Variants in CHN1 observed in about 807,000 individuals in gnomAD.
The protein encoded by CHN1 is chimerin 1.
Under a neutral mutation model 59.5 loss-of-function variants are expected in CHN1, and 37 were observed. The observed-to-expected ratio is 0.62, with a 90% CI of 0.48 to 0.82. CHN1 has a LOEUF of 0.82. CHN1 is among the 40% of genes least tolerant of loss of function. The pLI is 0.00. For missense variants in CHN1, 469 were observed against 571.0 expected, an observed-to-expected ratio of 0.82 and a Z score of 1.82; for synonymous variants, 206 against 200.4, an observed-to-expected ratio of 1.03 and a Z score of -0.24.
intron 1 of CHN1, among the ~76,000 whole-genome samples, chr2:174,989,144 G>A (rs1691455556): frequency 1.3e-5 from 2 of 151,412 alleles, no homozygotes; most frequent in Admixed American, 6.6e-5. Context: ...TAGGGAGGCT[G>A]AGGTGGGCAG....
intron 5 of CHN1, among the ~76,000 whole-genome samples, chr2:174,897,690 T>G (rs559835454): frequency 6.6e-6 from 1 of 152,162 alleles, no homozygotes; most frequent in African/African-American, 2.4e-5. Flanking sequence ...AACTCATAAC[T>G]TGATAGAAAA....
At chr2:174,976,305 T>C (rs1690936710) in intron 1 of CHN1, among the ~76,000 whole-genome samples, 1 of 151,774 alleles carries the variant, frequency 6.6e-6, no homozygotes, top group South Asian at 2.1e-4. Flanking sequence ...TGGCACGATC[T>C]CGGCTCACTG....
chr2:174,841,419 TAGGC>T (rs1185077619), intron 7 of CHN1, among the ~76,000 whole-genome samples: 4 of 152,220 alleles, frequency 2.6e-5, no homozygotes, highest in Admixed American at 6.5e-5. Flanking sequence ...TGTACTATAA[TAGGC>T]AGCAACAGAA....
intron 7 of CHN1, among the ~76,000 whole-genome samples, chr2:174,833,233 A>G (rs1275692593): frequency 1.3e-5 from 2 of 152,090 alleles, no homozygotes; most frequent in African/African-American, 4.8e-5. Context: ...TTGCTGCTTT[A>G]TGTATTTTGC....
chr2:174,937,958 T>C lies in CHN1; in HGVS notation c.114+6930A>G, dbSNP rs184244602. On this transcript the variant is annotated intron_variant, in intron 3 of 12. Coordinates refer to ENST00000409900, the MANE Select transcript of CHN1 (RefSeq NM_001822.7). ...AAAATAAACCTCTTTTTAAAATACA[T>C]TGCCCAGCCTCAGGTATTCCTTTAT... 3.0e-3 allele frequency among the ~76,000 whole-genome samples: 455 copies of C among 152,244 alleles called. 2 individuals are homozygous for C. Among genetic ancestry groups the C allele is most frequent in the African/African-American group, 0.01 (436 of 41,532 alleles).
chr2:174,861,832 C>T (rs1250768336), intron 6 of CHN1, among the ~76,000 whole-genome samples: 2 of 152,136 alleles, frequency 1.3e-5, no homozygotes, highest in Non-Finnish European at 2.9e-5. Flanking sequence ...GTTTTCTATT[C>T]CACAGGTTGT....
intron 1 of CHN1, among the ~76,000 whole-genome samples, chr2:175,001,830 C>T (rs989414994): frequency 6.6e-6 from 1 of 152,334 alleles, no homozygotes; most frequent in Non-Finnish European, 1.5e-5. Flanking sequence ...AACTAAGGCT[C>T]TATTGGTGTG....
chr2:174,950,440 G>A (rs949828422), intron 2 of CHN1, among the ~76,000 whole-genome samples: 3 of 151,338 alleles, frequency 2.0e-5, no homozygotes, highest in Admixed American at 1.3e-4. Flanking sequence ...CTAATTTTTT[G>A]GTATTTAGTA....
At chr2:174,937,338 ATAC>A (rs1689527310) in intron 3 of CHN1, among the ~76,000 whole-genome samples, 1 of 152,204 alleles carries the variant, frequency 6.6e-6, no homozygotes, top group South Asian at 2.1e-4. Context: ...CTGTGATACA[ATAC>A]TATCATTAGA....
At chr2:174,818,543 A>C (rs1038875464) in intron 8 of CHN1, among the ~76,000 whole-genome samples, 1 of 152,022 alleles carries the variant, frequency 6.6e-6, no homozygotes, top group Non-Finnish European at 1.5e-5. Context: ...TATACTACAA[A>C]TAATAATAAT....
chr2:174,852,339 A>T (rs542961659), intron 6 of CHN1, among the ~76,000 whole-genome samples: 3 of 152,288 alleles, frequency 2.0e-5, no homozygotes, highest in Admixed American at 1.3e-4. Flanking sequence ...AGTAGCCACA[A>T]AGAAAATAAA....
chr2:174,875,276 A>G (rs1687532427), intron 6 of CHN1, among the ~76,000 whole-genome samples: 1 of 152,242 alleles, frequency 6.6e-6, no homozygotes, highest in South Asian at 2.1e-4. Flanking sequence ...ATTGTTTTGT[A>G]GAAAATGCCT....
intron 7 of CHN1, among the ~76,000 whole-genome samples, chr2:174,840,611 C>T (rs1265366797): frequency 6.6e-6 from 1 of 152,130 alleles, no homozygotes; most frequent in East Asian, 1.9e-4. Context: ...GGTCTGCACA[C>T]AACAGCTGCT....
Position 174,866,355 on chromosome 2 carries a change from A to G in CHN1, c.549+11485T>C, listed in dbSNP as rs115697818. ...TCTAAAGAAAAATAAATGAGCTTAA[A>G]AGTTTAAAATATTTTTGTATAAAAT... On this transcript the variant is annotated intron_variant, in intron 6 of 12. Transcript: ENST00000409900. Among the ~76,000 whole-genome samples the G allele has an allele frequency of 6.3e-3, 963 of 152,340 alleles. 4 individuals carry two copies. The highest frequency in any genetic ancestry group is 9.4e-3 in the Non-Finnish European group (639 of 68,024).
intron 6 of CHN1, among the ~76,000 whole-genome samples, chr2:174,853,065 A>C (rs925379460): frequency 6.6e-6 from 1 of 152,194 alleles, no homozygotes; most frequent in African/African-American, 2.4e-5. Context: ...CCCTAAAAGC[A>C]ACTGCAACAA....
At chr2:174,895,043 ACG>A (rs35751679) in intron 5 of CHN1, among the ~76,000 whole-genome samples, 13,749 of 147,980 alleles carry the variant, frequency 0.093, 1,311 homozygotes, top group African/African-American at 0.25. Flanking sequence ...ACACACACAC[ACG>A]CGCGCACACA....
intron 5 of CHN1, among the ~76,000 whole-genome samples, chr2:174,900,041 A>C (rs1284841538): frequency 4.6e-5 from 7 of 152,228 alleles, no homozygotes; most frequent in Non-Finnish European, 1.0e-4. Flanking sequence ...AACAATCCCC[A>C]AATATATTCT....
At chr2:175,002,936 T>C (rs1285203954) in intron 1 of CHN1, among the ~76,000 whole-genome samples, 1 of 152,202 alleles carries the variant, frequency 6.6e-6, no homozygotes, top group African/African-American at 2.4e-5. Flanking sequence ...CTTAGGTACA[T>C]CTCTCAACAT....
At position 174,799,253 on chromosome 2, in the gene CHN1, G is replaced by GT. The variant is rs1295711889; in HGVS notation, c.*862dup. On this transcript the variant is annotated 3_prime_UTR_variant, in exon 13 of 13. Transcript: ENST00000409900. ...AATGGAATTAATGGTTGTTCTAACT[G>GT]TAAGCAGTTTTAAATGATTATTTTA... 2.2e-5 allele frequency: 6 copies of GT among 277,370 alleles called. No individual in the cohort carries two copies. Among genetic ancestry groups the GT allele is most frequent in the Non-Finnish European group, 4.2e-5 (6 of 141,752 alleles). 17.2% of individuals were successfully genotyped at this position (277,370 alleles called of 1,614,324 possible).
Sources: gnomAD v4.1 joint callset for allele counts (sites outside exome capture counted in the v4.1 genomes callset) on GRCh38, gnomAD v4.1.1 for gene constraint, MANE v1.5 for transcripts, NCBI Gene and HGNC (gene_info 2026-07-23, HGNC 2026-07-21) for gene names.